VPS8: variants seen among roughly 807,000 people sequenced by gnomAD.
The protein encoded by VPS8 is VPS8 subunit of CORVET complex.
In VPS8, 129 loss-of-function variants were observed where a neutral mutation model predicts 216.4. The observed-to-expected ratio is 0.60, with a 90% CI of 0.52 to 0.69. The LOEUF is 0.69. VPS8 is among the 30% of genes least tolerant of loss of function. The pLI, the probability that VPS8 is intolerant of heterozygous loss-of-function variation, is 0.00. For synonymous variants in VPS8, 571 were observed against 565.4 expected (o/e 1.01, Z -0.14); for missense variants, 1,531 against 1,683.5 (o/e 0.91, Z 1.59).
At chr3:185,030,554 T>G (rs1290105492) in intron 46 of VPS8, among the ~76,000 whole-genome samples, 1 of 152,172 alleles carries the variant, frequency 6.6e-6, no homozygotes, top group East Asian at 1.9e-4. Context: ...GCCTTTCCAA[T>G]AGTTCTGTGA....
At chr3:184,901,409 A>G (rs1454010103) in intron 25 of VPS8, 1 of 153,708 alleles carries the variant, frequency 6.5e-6, no homozygotes, top group East Asian at 1.9e-4. Context: ...TTAATCATTC[A>G]CCACTTCATG....
At chr3:184,955,830 A>G (rs1197748341) in intron 36 of VPS8, among the ~76,000 whole-genome samples, 1 of 152,160 alleles carries the variant, frequency 6.6e-6, no homozygotes, top group East Asian at 1.9e-4. Context: ...ATGCAATACC[A>G]TGGACTTTAC....
chr3:184,965,711 C>T (rs1747290652), intron 38 of VPS8, among the ~76,000 whole-genome samples: 1 of 152,178 alleles, frequency 6.6e-6, no homozygotes, highest in South Asian at 2.1e-4. Flanking sequence ...AAAGACTACG[C>T]TGGTGACTGT....
At chr3:184,975,616 T>C (rs1441433221) in intron 40 of VPS8, among the ~76,000 whole-genome samples, 2 of 152,196 alleles carry the variant, frequency 1.3e-5, no homozygotes, top group African/African-American at 4.8e-5. Flanking sequence ...GTGGGCATCA[T>C]TGTCTTCTTC....
intron 25 of VPS8, among the ~76,000 whole-genome samples, chr3:184,910,202 C>T (rs1043695537): frequency 1.4e-5 from 2 of 146,956 alleles, no homozygotes; most frequent in South Asian, 2.1e-4. Context: ...GGCGCTATCT[C>T]GGCTCACTGC....
At chr3:184,933,958 A>C (rs1241953407) in intron 34 of VPS8, among the ~76,000 whole-genome samples, 2 of 152,178 alleles carry the variant, frequency 1.3e-5, no homozygotes, top group Non-Finnish European at 2.9e-5. Flanking sequence ...TTTAGAATCA[A>C]CTTATCAAGT....
At chr3:184,834,965 A>G (rs893101626) in intron 5 of VPS8, 1 of 379,096 alleles carries the variant, frequency 2.6e-6, no homozygotes, top group Non-Finnish European at 4.7e-6. Context: ...CTCAGAGTCT[A>G]GGCTGTGCCT....
intron 16 of VPS8, among the ~76,000 whole-genome samples, chr3:184,865,846 G>C (rs1454315451): frequency 6.6e-6 from 1 of 152,070 alleles, no homozygotes; most frequent in African/African-American, 2.4e-5. Context: ...AAATTAGCTA[G>C]ACTTGGTGCT....
At chr3:184,832,304 ATT>A (rs112120253) in intron 3 of VPS8, among the ~76,000 whole-genome samples, 3 of 150,706 alleles carry the variant, frequency 2.0e-5, no homozygotes, top group Non-Finnish European at 4.4e-5. Flanking sequence ...TCTGCTTGTC[ATT>A]TTTTTTTATA....
intron 11 of VPS8, 141 bp from the exon 12 acceptor site, chr3:184,853,716 C>A: frequency 1.3e-6 from 1 of 777,438 alleles, no homozygotes; most frequent in Non-Finnish European, 2.0e-6. Flanking sequence ...AATAAAAAGA[C>A]CATGCTGCTG....
intron 42 of VPS8, among the ~76,000 whole-genome samples, chr3:184,987,491 T>C (rs1390289526): frequency 2.0e-5 from 3 of 152,152 alleles, no homozygotes; most frequent in Admixed American, 1.3e-4. Flanking sequence ...GAGTGCGTAG[T>C]CTTTTCATAT....
rs1001380031 is a variant in VPS8 at position 184,900,942 on chromosome 3, C to G, written c.2116C>G (p.Pro706Ala). 3 of 1,606,472 alleles carry G rather than the reference C, an allele frequency of 1.9e-6. No individual in the cohort carries two copies. The African/African-American group carries it at 4.0e-5, about 22-fold the overall frequency. ...GCAGAAACTTTTCAGAGTCATTGCTCCTCCTCTGAATGCAGGAAAAACACT... is the reference window on the plus strand; with the variant it reads ...GCAGAAACTTTTCAGAGTCATTGCTGCTCCTCTGAATGCAGGAAAAACACT... The part of the protein sequence containing the change: ...PMEKLFRVIA[P>A]PLNAGKTLTD... Residue 706 changes from proline to alanine, a missense_variant, in exon 25 of 48, where the codon CCT (proline) becomes GCT (alanine). Pro to Ala is a conservative substitution (Grantham distance 27). Coordinates refer to ENST00000625842, the MANE Select transcript of VPS8 (RefSeq NM_001009921.3).
intron 37 of VPS8, among the ~76,000 whole-genome samples, chr3:184,958,684 A>G (rs988113395): frequency 1.3e-5 from 2 of 152,228 alleles, no homozygotes; most frequent in Non-Finnish European, 2.9e-5. Context: ...AGTCAGAAAA[A>G]TGGGAGAAAA....
chr3:184,917,720 A>G (rs1737862375), intron 28 of VPS8, among the ~76,000 whole-genome samples: 1 of 152,230 alleles, frequency 6.6e-6, no homozygotes, highest in South Asian at 2.1e-4. Flanking sequence ...TTTGGACTTT[A>G]TACTACAGCA....
intron 37 of VPS8, among the ~76,000 whole-genome samples, chr3:184,962,918 C>T (rs1746775561): frequency 6.6e-6 from 1 of 152,052 alleles, no homozygotes; most frequent in Non-Finnish European, 1.5e-5. Flanking sequence ...CACATGATGG[C>T]CAGTGGTCCA....
chr3:184,900,341 A>C (rs1176212591), intron 24 of VPS8, among the ~76,000 whole-genome samples: 1 of 152,230 alleles, frequency 6.6e-6, no homozygotes, highest in Admixed American at 6.5e-5. Flanking sequence ...CAGCTTCACA[A>C]AAATGGGGGT....
chr3:185,049,194 C>T (rs904466299), intron 47 of VPS8, among the ~76,000 whole-genome samples: 2 of 152,166 alleles, frequency 1.3e-5, no homozygotes, highest in Admixed American at 6.5e-5. Flanking sequence ...TTCCAAAAGA[C>T]CTTGGGCTAC....
At chr3:184,860,387 A>ATG (rs1726082011) in intron 15 of VPS8, among the ~76,000 whole-genome samples, 1 of 151,204 alleles carries the variant, frequency 6.6e-6, no homozygotes, top group Admixed American at 6.6e-5. Flanking sequence ...ATATATACGT[A>ATG]TATATATGTA....
intron 40 of VPS8, among the ~76,000 whole-genome samples, chr3:184,978,481 G>A (rs981396977): frequency 2.0e-5 from 3 of 151,270 alleles, no homozygotes. Flanking sequence ...TGGTATGATC[G>A]ACCTCCCAGG....
Sources: gnomAD v4.1 joint callset for allele counts (sites outside exome capture counted in the v4.1 genomes callset) on GRCh38, gnomAD v4.1.1 for gene constraint, MANE v1.5 for transcripts, NCBI Gene and HGNC (gene_info 2026-07-23, HGNC 2026-07-21) for gene names.